The following FCRL5 variants were observed in gnomAD, a reference collection of about 807,000 sequenced individuals.
FCRL5 encodes the protein Fc receptor like 5.
Under a neutral mutation model 92.1 loss-of-function variants are expected in FCRL5, and 79 were observed. That is an observed-to-expected ratio of 0.86 (90% CI 0.72 to 1.03). The LOEUF (loss-of-function observed/expected upper bound fraction) is 1.03. FCRL5 is among the 50% of genes least tolerant of loss of function. The pLI is 0.00. For missense variants in FCRL5, 1,160 were observed against 1,181.1 expected, an observed-to-expected ratio of 0.98 and a Z score of 0.26; for synonymous variants, 466 against 469.3, an observed-to-expected ratio of 0.99 and a Z score of 0.09.
intron 9 of FCRL5, among the ~76,000 whole-genome samples, chr1:157,526,080 A>G (rs539186448): frequency 6.6e-6 from 1 of 152,366 alleles, no homozygotes; most frequent in East Asian, 1.9e-4. Flanking sequence ...GTTCTGGAAC[A>G]TGCCAGTGCT....
intron 1 of FCRL5, 143 bp downstream of exon 1, chr1:157,552,189 A>C (rs1228953348): frequency 1.3e-6 from 1 of 750,166 alleles, no homozygotes; most frequent in African/African-American, 1.8e-5. Flanking sequence ...CCTGAGCTAC[A>C]GAGTAAAGTT....
intron 10 of FCRL5, chr1:157,521,855 G>C (rs1293783045): frequency 6.6e-6 from 1 of 152,282 alleles, no homozygotes; most frequent in East Asian, 1.9e-4. Flanking sequence ...TTGAGCCCAG[G>C]AGTTCAAGTC....
rs758863799 is a variant in FCRL5, at chr1:157,544,494, C to A, written c.612G>T (p.Gly204=). ...LRASSFQPIS[G]NPVTLTCETQ... is the part of the protein sequence containing the mutation. ...TCTCACAGGTCAGGGTCACTGGGTT[C>A]CCGCTGATGGGCTGGAAGGAGCTGG... The change falls in exon 5 of 17, where the codon GGG becomes GGT. Residue 204 remains glycine, a synonymous_variant. Transcript: ENST00000361835. 6.2e-7 allele frequency: 1 copy of A among 1,614,172 alleles called. No individual in the cohort carries two copies. Among genetic ancestry groups the A allele is most frequent in the East Asian group, 2.2e-5 (1 of 44,888 alleles).
chr1:157,536,427 G>C (rs11264753), intron 7 of FCRL5, among the ~76,000 whole-genome samples: 1 of 152,192 alleles, frequency 6.6e-6, no homozygotes, highest in Non-Finnish European at 1.5e-5. Flanking sequence ...TAGACTGGGG[G>C]TTCTGTCCAA....
In FCRL5 at chr1:157,514,180, C is replaced by T. The variant is rs769944261; in HGVS notation, c.*1495G>A. ...CCTTGGAAGGATTTTATTTCAGGGC[C>T]GTGGGGCTTAAAAGTCATCACTGTA... On this transcript the variant is annotated 3_prime_UTR_variant, in exon 17 of 17. Coordinates refer to ENST00000361835, the MANE Select transcript of FCRL5 (RefSeq NM_031281.3). The T allele has an allele frequency of 4.6e-5, 7 of 152,110 alleles. No individual in the cohort carries two copies. Among genetic ancestry groups the T allele is most frequent in the African/African-American group, 1.4e-4 (6 of 41,390 alleles). The allele number at this position is 152,110 out of a possible 1,614,324, so 9.4% of individuals were successfully genotyped here.
chr1:157,527,734 C>T lies in FCRL5; in HGVS notation c.1843G>A (p.Gly615Arg), dbSNP rs760631956. Residue 615 changes from glycine to arginine, a missense_variant, in exon 9 of 17, where the codon GGA (glycine) becomes AGA (arginine). Transcript: ENST00000361835. ...VTLGSSSAPS[G>R]GEASFNLSLT... The stretch of plus-strand genomic sequence containing the variant: ...GAGAGGTTGAAAGAAGCTTCTCCTC[C>T]AGAGGGGGCTGAGCTGCTCCCCAGG... 2.8e-5 allele frequency: 46 copies of T among 1,614,052 alleles called. 1 individual carries two copies. The East Asian group carries it at 8.7e-4, about 30-fold the overall frequency.
At chr1:157,517,531 C>T (rs192439461) in intron 15 of FCRL5, among the ~76,000 whole-genome samples, 2 of 152,150 alleles carry the variant, frequency 1.3e-5, no homozygotes, top group African/African-American at 4.8e-5. Context: ...CAGAAGGAGG[C>T]CTGTCTATGG....
chr1:157,544,706 C>G (rs1651446410), intron 4 of FCRL5, 125 bp downstream of exon 4: 3 of 1,443,916 alleles, frequency 2.1e-6, no homozygotes, highest in Admixed American at 3.9e-5. Context: ...TTCCTCTGCT[C>G]CTTGCAGGAA....
chr1:157,551,612 C>T (rs1651814165), intron 1 of FCRL5, among the ~76,000 whole-genome samples: 1 of 152,160 alleles, frequency 6.6e-6, no homozygotes, highest in Non-Finnish European at 1.5e-5. Context: ...GTAGTGTCTC[C>T]TATGGACTCT....
chr1:157,552,302 C>G (rs764284882), intron 1 of FCRL5, 30 bp downstream of exon 1: 7 of 1,611,486 alleles, frequency 4.3e-6, no homozygotes, highest in Middle Eastern at 1.6e-4. Context: ...CCGATCCCAC[C>G]CAGGGCCCAT....
At chr1:157,550,459 C>T (rs1651763437) in intron 1 of FCRL5, among the ~76,000 whole-genome samples, 1 of 152,158 alleles carries the variant, frequency 6.6e-6, no homozygotes, top group Non-Finnish European at 1.5e-5. Context: ...GGCTCATTAT[C>T]ATCATGCCTA....
chr1:157,518,690 C>A lies in FCRL5; in HGVS notation c.2743+10G>T. ...CAGCTTCTGCCAAATGCAGGATCCTCGGGCCTCACCATTAGTGTACACTGG... is the reference window on the plus strand; with the variant it reads ...CAGCTTCTGCCAAATGCAGGATCCTAGGGCCTCACCATTAGTGTACACTGG... On this transcript the variant is annotated intron_variant, in intron 14 of 16. Coordinates refer to ENST00000361835, the MANE Select transcript of FCRL5 (RefSeq NM_031281.3). The A allele has an allele frequency of 3.7e-6, 6 of 1,607,214 alleles. No individual in the cohort carries two copies. Among genetic ancestry groups the A allele is most frequent in the Non-Finnish European group, 5.1e-6 (6 of 1,177,108 alleles).
rs779361674 is a variant in FCRL5 at position 157,515,616 on chromosome 1, C to T, written c.*59G>A. 3.7e-6 allele frequency: 6 copies of T among 1,613,946 alleles called. No homozygotes were observed. The South Asian group carries it at 6.6e-5, about 18-fold the overall frequency. On this transcript the variant is annotated 3_prime_UTR_variant, in exon 17 of 17. Coordinates refer to ENST00000361835, the MANE Select transcript of FCRL5 (RefSeq NM_031281.3). Reference sequence around the variant, plus strand: ...ATCTTCCCACTTCAATGCTGCTTCTCCCCCAAGGGGAACTTTGGGGTGCAG... The same window carrying T: ...ATCTTCCCACTTCAATGCTGCTTCTTCCCCAAGGGGAACTTTGGGGTGCAG...
At chr1:157,546,851 A>C in intron 3 of FCRL5, 92 bp downstream of exon 3, 1 of 1,471,754 alleles carries the variant, frequency 6.8e-7, no homozygotes. Context: ...TTGTCCACTC[A>C]TGAAGGGTCT....
intron 8 of FCRL5, chr1:157,533,640 A>G (rs1364675774): frequency 6.6e-6 from 1 of 152,302 alleles, no homozygotes; most frequent in Non-Finnish European, 1.5e-5. Flanking sequence ...TTCTGTTCTC[A>G]TGAAGCTTAC....
At chr1:157,550,887 T>G (rs1490859784) in intron 1 of FCRL5, among the ~76,000 whole-genome samples, 1 of 152,198 alleles carries the variant, frequency 6.6e-6, no homozygotes, top group Non-Finnish European at 1.5e-5. Context: ...ATTTTTGGAA[T>G]GCCAATCATA....
chr1:157,551,281 A>T (rs556075005), intron 1 of FCRL5, among the ~76,000 whole-genome samples: 3 of 152,264 alleles, frequency 2.0e-5, no homozygotes, highest in Non-Finnish European at 4.4e-5. Flanking sequence ...CATGCTCAGG[A>T]CCTGGCCATT....
intron 15 of FCRL5, among the ~76,000 whole-genome samples, chr1:157,517,431 C>T (rs1361333382): frequency 1.3e-5 from 2 of 152,150 alleles, no homozygotes; most frequent in Admixed American, 6.5e-5. Flanking sequence ...ATTACAGACC[C>T]TGAGATAGGG....
In FCRL5 at chr1:157,539,119, G is replaced by A. The variant is rs1571100933; in HGVS notation, c.1369C>T (p.Gln457Ter). Residue 457 changes from glutamine (Q) to a stop codon, truncating the protein, a stop_gained, in exon 7 of 17, where the codon CAG becomes TAG. Coordinates refer to ENST00000361835, the MANE Select transcript of FCRL5 (RefSeq NM_031281.3). LOFTEE classifies it high-confidence loss of function. Reference protein sequence around the residue: ...YCTADNGFGPQRSKAVSLSVT... With the variant: ...YCTADNGFGP ...GAGAGGCTCACCGCCTTACTGCGCT[G>A]GGGGCCAAAGCCATTGTCAGCTGTG... 1.2e-6 allele frequency: 2 copies of A among 1,613,746 alleles called. No individual in the cohort carries two copies. Among genetic ancestry groups the A allele is most frequent in the Non-Finnish European group, 1.7e-6 (2 of 1,179,752 alleles).
Sources: gnomAD v4.1 joint callset for allele counts (sites outside exome capture counted in the v4.1 genomes callset) on GRCh38, gnomAD v4.1.1 for gene constraint, MANE v1.5 for transcripts, NCBI Gene and HGNC (gene_info 2026-07-23, HGNC 2026-07-21) for gene names.